ADGRL3: variants seen among roughly 807,000 people sequenced by gnomAD.
ADGRL3 encodes calcium-independent alpha-latrotoxin receptor 3.
A neutral mutation model predicts 153.5 loss-of-function variants in ADGRL3; 62 were observed. That is an observed-to-expected ratio of 0.40 (90% CI 0.33 to 0.50). The LOEUF (loss-of-function observed/expected upper bound fraction) is 0.50. ADGRL3 is among the 20% of genes least tolerant of loss of function. ADGRL3 has a pLI of 0.47. For synonymous variants in ADGRL3, 710 were observed against 672.5 expected, an observed-to-expected ratio of 1.06 and a Z score of -0.86; for missense variants, 1,641 against 1,859.4, an observed-to-expected ratio of 0.88 and a Z score of 2.16.
intron 3 of ADGRL3, among the ~76,000 whole-genome samples, chr4:61,516,830 A>G (rs926431428): frequency 6.6e-6 from 1 of 152,162 alleles, no homozygotes; most frequent in Non-Finnish European, 1.5e-5. Context: ...AACAAAACAA[A>G]TAAACAAACA....
At chr4:61,238,126 C>T (rs990836931) in intron 1 of ADGRL3, among the ~76,000 whole-genome samples, 5 of 152,138 alleles carry the variant, frequency 3.3e-5, no homozygotes, top group African/African-American at 1.2e-4. Context: ...CTGAGATTAG[C>T]ATTAGGGTTG....
chr4:61,455,045 C>T (rs970968145), intron 2 of ADGRL3, among the ~76,000 whole-genome samples: 10 of 152,052 alleles, frequency 6.6e-5, no homozygotes, highest in African/African-American at 2.4e-4. Context: ...AAAAAAACAA[C>T]CCAAATGATT....
At chr4:61,699,977 C>CAG (rs763914808) in intron 6 of ADGRL3, among the ~76,000 whole-genome samples, 430 of 149,832 alleles carry the variant, frequency 2.9e-3, no homozygotes, top group Non-Finnish European at 4.0e-3. Context: ...CAAAAACACA[C>CAG]ACAGAGAGAG....
At chr4:61,640,939 C>T (rs564808771) in intron 5 of ADGRL3, among the ~76,000 whole-genome samples, 117 of 152,238 alleles carry the variant, frequency 7.7e-4, no homozygotes, top group South Asian at 1.9e-3. Context: ...TTCAACAATA[C>T]ATTTTTCAAA....
intron 6 of ADGRL3, among the ~76,000 whole-genome samples, chr4:61,701,728 C>A (rs72638548): frequency 2.0e-5 from 3 of 151,906 alleles, no homozygotes; most frequent in South Asian, 2.1e-4. Context: ...TGAGCCGCTG[C>A]GCAGAACCGA....
At chr4:61,314,383 A>G (rs2095129636) in intron 1 of ADGRL3, among the ~76,000 whole-genome samples, 1 of 151,894 alleles carries the variant, frequency 6.6e-6, no homozygotes, top group African/African-American at 2.4e-5. Context: ...CTAATTCTGT[A>G]TTTTTAGTAG....
chr4:61,895,530 T>C (rs1230420235), intron 10 of ADGRL3, among the ~76,000 whole-genome samples: 1 of 152,086 alleles, frequency 6.6e-6, no homozygotes, highest in African/African-American at 2.4e-5. Context: ...CTGCCACAAA[T>C]GCTTCAAACA....
At chr4:61,893,825 A>G (rs149520430) in intron 10 of ADGRL3, among the ~76,000 whole-genome samples, 35 of 144,426 alleles carry the variant, frequency 2.4e-4, no homozygotes, top group African/African-American at 8.5e-4. Context: ...CTCCTGCCTC[A>G]GCCTCCTGAG....
chr4:61,364,378 A>G (rs2096355851), intron 1 of ADGRL3, among the ~76,000 whole-genome samples: 1 of 151,716 alleles, frequency 6.6e-6, no homozygotes, highest in Admixed American at 6.6e-5. Flanking sequence ...AAATCATGAA[A>G]TATGAGTATA....
intron 9 of ADGRL3, among the ~76,000 whole-genome samples, chr4:61,842,019 T>C (rs1469992213): frequency 3.3e-5 from 5 of 152,204 alleles, no homozygotes; most frequent in African/African-American, 1.2e-4. Context: ...TAAGGGAAAA[T>C]TATATGAAAT....
intron 9 of ADGRL3, among the ~76,000 whole-genome samples, chr4:61,819,003 G>A (rs2097720277): frequency 2.0e-5 from 3 of 152,052 alleles, no homozygotes; most frequent in Admixed American, 2.0e-4. Flanking sequence ...TAGAAATGAG[G>A]TAGAGTTGGT....
chr4:61,838,556 G>T (rs2097972767), intron 9 of ADGRL3, among the ~76,000 whole-genome samples: 2 of 152,134 alleles, frequency 1.3e-5, no homozygotes, highest in African/African-American at 4.8e-5. Flanking sequence ...GAACATGTAT[G>T]ATTGAGTTAC....
intron 13 of ADGRL3, among the ~76,000 whole-genome samples, chr4:61,930,734 T>G (rs753487448): frequency 4.6e-5 from 7 of 151,998 alleles, no homozygotes; most frequent in Non-Finnish European, 1.0e-4. Flanking sequence ...CAAAATGACT[T>G]TTGGCTCTTT....
At chr4:61,743,906 A>G (rs944516738) in intron 8 of ADGRL3, among the ~76,000 whole-genome samples, 1 of 152,136 alleles carries the variant, frequency 6.6e-6, no homozygotes, top group Non-Finnish European at 1.5e-5. Context: ...AAGCAGGGCG[A>G]CGCATTGCCT....
chr4:61,863,330 C>T (rs1463129213), intron 9 of ADGRL3, among the ~76,000 whole-genome samples: 11 of 148,846 alleles, frequency 7.4e-5, no homozygotes, highest in East Asian at 2.0e-4. Context: ...CTCCGCCTCC[C>T]GGGTTCACGC....
intron 5 of ADGRL3, among the ~76,000 whole-genome samples, chr4:61,665,237 C>A: frequency 6.6e-6 from 1 of 152,146 alleles, no homozygotes; most frequent in East Asian, 1.9e-4. Context: ...TGGTGAAACC[C>A]AGTCTCTACT....
intron 4 of ADGRL3, among the ~76,000 whole-genome samples, chr4:61,554,144 A>G (rs1025998851): frequency 7.1e-6 from 1 of 141,432 alleles, no homozygotes; most frequent in South Asian, 2.3e-4. Context: ...CTATTTGCTT[A>G]TAAAAAATGT....
At chr4:61,315,524 G>A (rs764905967) in intron 1 of ADGRL3, among the ~76,000 whole-genome samples, 30 of 152,134 alleles carry the variant, frequency 2.0e-4, no homozygotes, top group Non-Finnish European at 3.7e-4. Context: ...CCTGTTAGTA[G>A]CAATGTTAAA....
At chr4:62,038,979 G>A (rs757924996) in intron 24 of ADGRL3, among the ~76,000 whole-genome samples, 3 of 152,144 alleles carry the variant, frequency 2.0e-5, no homozygotes, top group Admixed American at 6.5e-5. Context: ...TTTTTCTGAG[G>A]AAGCCTTGAG....
Sources: gnomAD v4.1 joint callset for allele counts (sites outside exome capture counted in the v4.1 genomes callset) on GRCh38, gnomAD v4.1.1 for gene constraint, MANE v1.5 for transcripts, NCBI Gene and HGNC (gene_info 2026-07-23, HGNC 2026-07-21) for gene names.